ADAM9: variants seen among roughly 807,000 people sequenced by gnomAD.
The protein encoded by ADAM9 is ADAM metallopeptidase domain 9.
Under a neutral mutation model 108.1 loss-of-function variants are expected in ADAM9, and 54 were observed. The ratio of observed to expected loss-of-function variants is 0.50; its 90% CI spans 0.40 to 0.63. ADAM9 has a LOEUF of 0.63. ADAM9 is among the 20% of genes least tolerant of loss of function. The pLI is 0.00. For synonymous variants in ADAM9, 316 were observed against 336.0 expected (o/e 0.94, Z 0.65); for missense variants, 830 against 997.7 (o/e 0.83, Z 2.26).
At chr8:39,090,817 C>A (rs1168249997) in intron 19 of ADAM9, among the ~76,000 whole-genome samples, 1 of 152,244 alleles carries the variant, frequency 6.6e-6, no homozygotes, top group Non-Finnish European at 1.5e-5. Context: ...ATCTTTCATA[C>A]ATCTCCACTG....
chr8:39,027,999 G>T (rs1449613130), intron 11 of ADAM9, among the ~76,000 whole-genome samples: 3 of 152,118 alleles, frequency 2.0e-5, no homozygotes, highest in Non-Finnish European at 2.9e-5. Flanking sequence ...GAGGCAGGAG[G>T]ATCACTTGAG....
chr8:39,082,660 G>A lies in ADAM9; in HGVS notation c.1901G>A (p.Cys634Tyr). The A allele has an allele frequency of 6.2e-7, 1 of 1,610,152 alleles. No individual in the cohort carries two copies. The change falls in exon 17 of 22, where the codon TGT (cysteine) becomes TAT (tyrosine). Residue 634 changes from cysteine to tyrosine, a missense_variant. Physicochemically the swap from Cys to Tyr is radical, Grantham distance 194 (BLOSUM62 -2). Coordinates refer to ENST00000487273, the MANE Select transcript of ADAM9 (RefSeq NM_003816.3). ...TTTCAGATCTGTAGAAACTTCCAGT[G>A]TGTAGATGCTTCTGTTCTGAATTAT... Reference protein sequence around the residue: ...GAGKICRNFQCVDASVLNYDC... With the variant: ...GAGKICRNFQYVDASVLNYDC...
At chr8:39,061,062 C>T (rs1305709635) in intron 14 of ADAM9, among the ~76,000 whole-genome samples, 2 of 152,256 alleles carry the variant, frequency 1.3e-5, no homozygotes, top group Admixed American at 6.5e-5. Context: ...CTGTCTTCTG[C>T]ACAGGGCAAA....
At chr8:39,014,371 C>T in intron 4 of ADAM9, 1 of 547,148 alleles carries the variant, frequency 1.8e-6, no homozygotes, top group East Asian at 2.9e-5. Context: ...GTTAATATCT[C>T]TAAAAGTGCA....
intron 6 of ADAM9, chr8:39,018,482 ATG>A (rs141447759): frequency 3.2e-3 from 697 of 214,984 alleles, no homozygotes; most frequent in South Asian, 6.3e-3. Flanking sequence ...GTGTGTTTGC[ATG>A]TGTGTGTGTG....
At chr8:39,014,290 A>C in intron 4 of ADAM9, 4 of 567,014 alleles carry the variant, frequency 7.1e-6, no homozygotes, top group Non-Finnish European at 9.3e-6. Flanking sequence ...TCTTCTATTT[A>C]ATGGTAATCC....
At chr8:38,998,954 GT>G (rs1835913748) in intron 1 of ADAM9, among the ~76,000 whole-genome samples, 1 of 152,158 alleles carries the variant, frequency 6.6e-6, no homozygotes, top group Admixed American at 6.5e-5. Flanking sequence ...GGCAGTGGAG[GT>G]TTTAAGTAGG....
intron 18 of ADAM9, 169 bp from the exon 19 acceptor site, chr8:39,089,878 G>A: frequency 1.4e-6 from 1 of 709,810 alleles, no homozygotes; most frequent in Non-Finnish European, 2.4e-6. Flanking sequence ...TGTGAAGGCA[G>A]AAGTAAAGCG....
chr8:39,100,964 G>A (rs1839676818), intron 20 of ADAM9, among the ~76,000 whole-genome samples: 1 of 152,180 alleles, frequency 6.6e-6, no homozygotes, highest in Admixed American at 6.5e-5. Flanking sequence ...CTTCATCAAG[G>A]AAGGATATAA....
At position 39,009,349 on chromosome 8, in the gene ADAM9, C is replaced by T. The variant is rs189788151; in HGVS notation, c.195+1366C>T. Among the ~76,000 whole-genome samples, 7 of 152,350 alleles carry T rather than the reference C, an allele frequency of 4.6e-5. No homozygotes were observed. In the East Asian group the frequency reaches 9.6e-4, roughly 21 times the overall value. On this transcript the variant is annotated intron_variant, in intron 2 of 21. Transcript: ENST00000487273. ...CCGCCTCCTGGGTTCAAGTGATTCT[C>T]GTGCCTCTGCCTCCTGAGTAGCTGG...
chr8:38,999,124 A>T (rs2129430725), intron 1 of ADAM9, among the ~76,000 whole-genome samples: 1 of 152,300 alleles, frequency 6.6e-6, no homozygotes, highest in African/African-American at 2.4e-5. Context: ...TTCATACAAA[A>T]TCAGCTGACC....
Position 39,090,161 on chromosome 8 carries a change from T to C in ADAM9, c.2183T>C (p.Phe728Ser). ...IKRDQLWRSY[F>S]RKKRSQTYES... ...AGGGATCAACTGTGGAGAAGCTACT[T>C]CAGAAAGAAGAGATCACAAACATAT... Residue 728 changes from phenylalanine to serine, a missense_variant, in exon 19 of 22, where the codon TTC becomes TCC. By Grantham distance (155) the Phe-to-Ser change is radical. Coordinates refer to ENST00000487273, the MANE Select transcript of ADAM9 (RefSeq NM_003816.3). 1 of 1,613,812 alleles carries C rather than the reference T, an allele frequency of 6.2e-7. No individual in the cohort carries two copies. Among genetic ancestry groups the C allele is most frequent in the Non-Finnish European group, 8.5e-7 (1 of 1,179,840 alleles).
chr8:39,013,818 T>G (rs1331443972), intron 3 of ADAM9, 147 bp from the exon 4 acceptor site: 1 of 707,954 alleles, frequency 1.4e-6, no homozygotes, highest in Admixed American at 2.5e-5. Flanking sequence ...AGCTTTTAAT[T>G]TTACAATAGC....
intron 19 of ADAM9, among the ~76,000 whole-genome samples, chr8:39,090,675 G>A (rs565787922): frequency 9.2e-5 from 14 of 152,200 alleles, no homozygotes; most frequent in African/African-American, 3.4e-4. Flanking sequence ...TGACCCTCAG[G>A]GTTCATTTTG....
chr8:38,998,199 T>C (rs1286822595), intron 1 of ADAM9, among the ~76,000 whole-genome samples: 2 of 152,226 alleles, frequency 1.3e-5, no homozygotes, highest in Non-Finnish European at 2.9e-5. Context: ...CTTGTTTTTC[T>C]TATCTTTGGC....
At chr8:39,064,264 T>C (rs1838388885) in intron 14 of ADAM9, among the ~76,000 whole-genome samples, 1 of 152,168 alleles carries the variant, frequency 6.6e-6, no homozygotes, top group African/African-American at 2.4e-5. Flanking sequence ...ATAAGTGTCT[T>C]TAAAAATCTA....
At chr8:39,070,382 G>T (rs528340755) in intron 14 of ADAM9, among the ~76,000 whole-genome samples, 2 of 151,914 alleles carry the variant, frequency 1.3e-5, no homozygotes, top group East Asian at 1.9e-4. Context: ...TGTATTAAAG[G>T]CTTCTAAGAC....
At position 39,042,161 on chromosome 8, in the gene ADAM9, A is replaced by G. The variant is rs758702930; in HGVS notation, c.1302+44A>G. The stretch of plus-strand genomic sequence containing the variant: ...TTTTGCCTTGTAAAATTGCCATGAT[A>G]TTTGCAAGAAATAAAATGGCTTGCT... On this transcript the variant is annotated intron_variant, in intron 12 of 21. Coordinates refer to ENST00000487273, the MANE Select transcript of ADAM9 (RefSeq NM_003816.3). 4 of 1,608,014 alleles carry G rather than the reference A, an allele frequency of 2.5e-6. No homozygotes were observed. The Admixed American group carries it at 5.0e-5, about 20-fold the overall frequency.
chr8:39,035,700 C>T (rs1269718403), intron 11 of ADAM9, among the ~76,000 whole-genome samples: 3 of 152,000 alleles, frequency 2.0e-5, no homozygotes, highest in Admixed American at 2.0e-4. Flanking sequence ...GCCTGTAGTC[C>T]CAGCTACTGA....
Sources: gnomAD v4.1 joint callset for allele counts (sites outside exome capture counted in the v4.1 genomes callset) on GRCh38, gnomAD v4.1.1 for gene constraint, MANE v1.5 for transcripts, NCBI Gene and HGNC (gene_info 2026-07-23, HGNC 2026-07-21) for gene names.